GRIP2: variants seen among roughly 807,000 people sequenced by gnomAD.
The protein encoded by GRIP2 is glutamate receptor interacting protein 2.
In GRIP2, 58 loss-of-function variants were observed where a neutral mutation model predicts 108.3. That is an observed-to-expected ratio of 0.54 (90% CI 0.43 to 0.67). The LOEUF is 0.67. Ranked by LOEUF, GRIP2 falls within the 30% of genes least tolerant of loss-of-function variation. The pLI, the probability that GRIP2 is intolerant of heterozygous loss-of-function variation, is 0.00. For missense variants in GRIP2, 1,278 were observed against 1,430.6 expected (o/e 0.89, Z 1.72); for synonymous variants, 586 against 598.2 (o/e 0.98, Z 0.30).
the GRIP2 span, among the ~76,000 whole-genome samples, chr3:14,563,764 A>G: frequency 6.6e-6 from 1 of 152,148 alleles, no homozygotes; most frequent in African/African-American, 2.4e-5. Context: ...GTGCTGAATC[A>G]GAAACTTGGG....
chr3:14,530,228 G>A (rs1466249218), intron 1 of GRIP2, among the ~76,000 whole-genome samples: 1 of 150,130 alleles, frequency 6.7e-6, no homozygotes, highest in Non-Finnish European at 1.5e-5. Flanking sequence ...CTGGCTTTAT[G>A]CCGGGGTCTC....
In GRIP2 at chr3:14,506,878, G is replaced by A. The variant is rs749226862; in HGVS notation, c.2321C>T (p.Ser774Leu). ...LKGGLPAARF[S>L]PAVPSVDSAV... ...ACTGTCCACACTGGGCACAGCCGGC[G>A]AGAAGCGGGCTGCTGGCAGGCCTCC... Residue 774 changes from serine to leucine, a missense_variant, in exon 19 of 24, where the codon TCG (serine) becomes TTG (leucine). Physicochemically the swap from Ser to Leu is moderately radical, Grantham distance 145. Coordinates refer to ENST00000621039, the MANE Select transcript of GRIP2 (RefSeq NM_001080423.4). 23 of 1,606,884 alleles carry A rather than the reference G, an allele frequency of 1.4e-5. No individual in the cohort carries two copies. Among genetic ancestry groups the A allele is most frequent in the Admixed American group, 8.5e-5 (5 of 59,106 alleles).
Position 14,513,675 on chromosome 3 carries a change from G to A in GRIP2, c.1629C>T (p.Phe543=), listed in dbSNP as rs760376725. ...LAHKVVLEVE[F]DVAESVIPSS... ...GGGCCACTCACTCACCCGCCACATC[G>A]AACTCCACCTCCAGCACGACCTTGT... is the stretch of plus-strand genomic sequence containing the variant. Residue 543 remains phenylalanine, a synonymous_variant, in exon 13 of 24, where the codon TTC becomes TTT. Coordinates refer to ENST00000621039, the MANE Select transcript of GRIP2 (RefSeq NM_001080423.4). The A allele has an allele frequency of 5.0e-6, 8 of 1,609,660 alleles. No individual in the cohort carries two copies. The highest frequency in any genetic ancestry group is 4.5e-5 in the East Asian group (2 of 44,692).
At chr3:14,532,964 C>CG (rs1694748631) in intron 1 of GRIP2, among the ~76,000 whole-genome samples, 1 of 152,180 alleles carries the variant, frequency 6.6e-6, no homozygotes, top group African/African-American at 2.4e-5. Context: ...TACCGTGCTC[C>CG]GCCAGACCAG....
At chr3:14,550,906 C>T (rs961673763) in intron 1 of GRIP2, among the ~76,000 whole-genome samples, 1 of 152,192 alleles carries the variant, frequency 6.6e-6, no homozygotes, top group Non-Finnish European at 1.5e-5. Flanking sequence ...TGGCCATGTG[C>T]CCCGCTTCGC....
At chr3:14,503,963 G>A (rs1197789209) in intron 20 of GRIP2, 1 of 439,964 alleles carries the variant, frequency 2.3e-6, no homozygotes, top group African/African-American at 2.0e-5. Flanking sequence ...CCTAGGAAGA[G>A]AGACAGAGGA....
intron 1 of GRIP2, among the ~76,000 whole-genome samples, chr3:14,530,060 T>A (rs1281094892): frequency 6.6e-6 from 1 of 152,196 alleles, no homozygotes; most frequent in East Asian, 1.9e-4. Flanking sequence ...AATTCTAATG[T>A]TCACCAGAAA....
intron 22 of GRIP2, among the ~76,000 whole-genome samples, chr3:14,495,689 G>T (rs1438351890): frequency 6.6e-6 from 1 of 152,122 alleles, no homozygotes; most frequent in Non-Finnish European, 1.5e-5. Flanking sequence ...ACAGGCATGA[G>T]CCACCGCGAC....
chr3:14,512,771 A>G lies in GRIP2; in HGVS notation c.1720+6T>C, dbSNP rs1370527796. 6.2e-7 allele frequency: 1 copy of G among 1,612,162 alleles called. No individual in the cohort carries two copies. Among genetic ancestry groups the G allele is most frequent in the East Asian group, 2.2e-5 (1 of 44,860 alleles). ...CAGGGGCAAACAGCAGCGGGAGGAG[A>G]CTCACAGCTGATGGTGATGCCCAGC... is the stretch of plus-strand genomic sequence containing the variant. On this transcript the variant is annotated splice_donor_region_variant and intron_variant, in intron 14 of 23. Transcript: ENST00000621039. This position sits in a 1 kb window ranked among gnomAD's most constrained non-coding sequence, Gnocchi z 5.1.
chr3:14,531,982 C>T (rs916822268), intron 1 of GRIP2, among the ~76,000 whole-genome samples: 44 of 152,112 alleles, frequency 2.9e-4, no homozygotes, highest in African/African-American at 1.0e-3. Context: ...GCACATGCCC[C>T]CGCCTGCCCT....
At chr3:14,570,028 C>T in the GRIP2 span, among the ~76,000 whole-genome samples, 1 of 152,156 alleles carries the variant, frequency 6.6e-6, no homozygotes, top group African/African-American at 2.4e-5. Flanking sequence ...ACCTACTTGG[C>T]TAGTGGCAGA....
intron 1 of GRIP2, among the ~76,000 whole-genome samples, chr3:14,528,753 A>G (rs1017174675): frequency 6.6e-6 from 1 of 152,138 alleles, no homozygotes; most frequent in African/African-American, 2.4e-5. Flanking sequence ...TGTGATTTTA[A>G]TTTGCATTTG....
the GRIP2 span, among the ~76,000 whole-genome samples, chr3:14,593,651 G>A: frequency 7.5e-4 from 115 of 152,332 alleles, no homozygotes; most frequent in African/African-American, 2.3e-3. Context: ...GTTCCAGTGC[G>A]CTACAGGTTG....
chr3:14,590,060 A>G, the GRIP2 span, among the ~76,000 whole-genome samples: 78,828 of 151,976 alleles, frequency 0.52, 20,945 homozygotes, highest in Middle Eastern at 0.61. Context: ...CCAAAGTGGT[A>G]GGATTACAGG....
chr3:14,516,971 AATACCTCCCCTCGCCCTGAC>A, intron 11 of GRIP2, 73 bp downstream of exon 11: 1 of 1,276,774 alleles, frequency 7.8e-7, no homozygotes, highest in Non-Finnish European at 1.0e-6. Flanking sequence ...CTCTGCCCAA[AATACCTCCCCTCGCCCTGAC>A]ATACACCCTT....
chr3:14,530,230 C>T (rs747276319), intron 1 of GRIP2, among the ~76,000 whole-genome samples: 4 of 150,998 alleles, frequency 2.6e-5, no homozygotes, highest in Admixed American at 6.6e-5. Context: ...GGCTTTATGC[C>T]GGGGTCTCAG....
chr3:14,540,297 C>G lies in GRIP2; in HGVS notation c.12G>C (p.Gly4=), dbSNP rs759396278. ...CCTCTCCAGGGGTCTCCCGGCTGAGCCCACACAGCATGTTCGCTATTGTCT... is the reference window on the plus strand; with the variant it reads ...CCTCTCCAGGGGTCTCCCGGCTGAGGCCACACAGCATGTTCGCTATTGTCT... MLC[G]LSRETPGEAD... The change falls in exon 1 of 24, where the codon GGG becomes GGC. Residue 4 remains glycine, a synonymous_variant. Transcript: ENST00000621039. The surrounding 1 kb of genome is among the most constrained non-coding windows in gnomAD (Gnocchi z 4.1). 6.2e-7 allele frequency: 1 copy of G among 1,613,782 alleles called. No individual in the cohort carries two copies. Among genetic ancestry groups the G allele is most frequent in the African/African-American group, 1.3e-5 (1 of 75,008 alleles).
chr3:14,524,354 C>T (rs761773840), intron 4 of GRIP2, 39 bp downstream of exon 4: 15 of 1,592,652 alleles, frequency 9.4e-6, no homozygotes, highest in Middle Eastern at 1.9e-4. Flanking sequence ...CACCCGCAAC[C>T]GAGGCAGTGG....
rs755641484 is a variant in GRIP2, at chr3:14,506,972, G to A, written c.2227C>T (p.Leu743=). 4 of 1,602,990 alleles carry A rather than the reference G, an allele frequency of 2.5e-6. No individual in the cohort carries two copies. Among genetic ancestry groups the A allele is most frequent in the Admixed American group, 3.4e-5 (2 of 58,546 alleles). Residue 743 remains leucine, a synonymous_variant, in exon 19 of 24, where the codon CTA becomes TTA. Coordinates refer to ENST00000621039, the MANE Select transcript of GRIP2 (RefSeq NM_001080423.4). ...CTGAGGCTGCCCGACTTGCGGGGTA[G>A]GAGGGGACCTGGGAGGAGAGAGGGG... ...KIKKQLDRPL[L]PRKSGSLSET...
Sources: gnomAD v4.1 joint callset for allele counts (sites outside exome capture counted in the v4.1 genomes callset) on GRCh38, gnomAD v4.1.1 for gene constraint, Gnocchi (gnomAD v3.1) non-coding constraint, MANE v1.5 for transcripts, NCBI Gene and HGNC (gene_info 2026-07-23, HGNC 2026-07-21) for gene names.